Variants in KCND2 observed in about 807,000 individuals in gnomAD.
KCND2 encodes the protein A-type voltage-gated potassium channel KCND2.
A neutral mutation model predicts 54.4 loss-of-function variants in KCND2; 16 were observed. That is an observed-to-expected ratio of 0.29 (90% CI 0.20 to 0.45). The LOEUF (loss-of-function observed/expected upper bound fraction) is 0.45. Among genes scored for constraint, KCND2 ranks in the 20% least tolerant of loss-of-function variants. The probability of loss-of-function intolerance (pLI) is 1.00; values close to 1 mark genes in which losing one functional copy is unlikely to be tolerated. For synonymous variants in KCND2, 317 were observed against 310.7 expected, an observed-to-expected ratio of 1.02 and a Z score of -0.21; for missense variants, 486 against 824.2, an observed-to-expected ratio of 0.59 and a Z score of 5.02.
At position 120,672,989 on chromosome 7, in the gene KCND2, AAG is replaced by A. The variant is rs200109871; in HGVS notation, c.1116-59894_1116-59893del. On this transcript the variant is annotated intron_variant, in intron 1 of 5. Transcript: ENST00000331113. Reference sequence around the variant, plus strand: ...TCTCATATTAAAAGACAGAGAAAGAAAGAGAGAGAGAGAGAGAGAGAAGTTTG... The same window carrying A: ...TCTCATATTAAAAGACAGAGAAAGAAAGAGAGAGAGAGAGAGAGAAGTTTG... 4.4e-4 allele frequency: 65 copies of A among 147,586 alleles called. 1 individual carries two copies. Among genetic ancestry groups the A allele is most frequent in the South Asian group, 6.3e-4 (3 of 4,744 alleles). The allele number at this position is 147,586 out of a possible 1,614,324, so 9.1% of individuals were successfully genotyped here. A position where few individuals can be genotyped will look rare whatever the true frequency, so the allele number is the denominator to read the frequency against.
At chr7:120,691,881 TAAG>T (rs1792273610) in intron 1 of KCND2, among the ~76,000 whole-genome samples, 1 of 151,844 alleles carries the variant, frequency 6.6e-6, no homozygotes, top group Non-Finnish European at 1.5e-5. Flanking sequence ...AGGAGGAAAA[TAAG>T]GAGAATGCAG....
At position 120,467,754 on chromosome 7, in the gene KCND2, A is replaced by G. The variant is rs1169517197; in HGVS notation, c.1115+192007A>G. On this transcript the variant is annotated intron_variant, in intron 1 of 5. Transcript: ENST00000331113. ...CGTTCAGTTTCATAATAAGCTATAC[A>G]CAACACACGTTCTACTAAGCACTGA... Among the ~76,000 whole-genome samples the G allele has an allele frequency of 3.3e-5, 5 of 152,074 alleles. No individual in the cohort carries two copies. The East Asian group carries it at 9.6e-4, about 29-fold the overall frequency.
intron 1 of KCND2, among the ~76,000 whole-genome samples, chr7:120,686,100 T>A (rs1485582797): frequency 6.6e-6 from 1 of 152,176 alleles, no homozygotes; most frequent in East Asian, 1.9e-4. Flanking sequence ...AAATGGAATA[T>A]GTTTGTGTTT....
In KCND2 at chr7:120,485,613, A is replaced by G. The variant is rs1048115242; in HGVS notation, c.1115+209866A>G. Among the ~76,000 whole-genome samples, 3 of 152,334 alleles carry G rather than the reference A, an allele frequency of 2.0e-5. No individual in the cohort carries two copies. In the South Asian group the frequency reaches 6.2e-4, roughly 32 times the overall value. On this transcript the variant is annotated intron_variant, in intron 1 of 5. Coordinates refer to ENST00000331113, the MANE Select transcript of KCND2 (RefSeq NM_012281.3). The stretch of plus-strand genomic sequence containing the variant: ...CAAAAACCATGTACTAGATATGTAG[A>G]TGACAGTAGAGGATGCTTTTTAAGT...
chr7:120,740,452 C>G (rs866950212), intron 2 of KCND2, among the ~76,000 whole-genome samples: 3 of 152,088 alleles, frequency 2.0e-5, no homozygotes, highest in Admixed American at 6.6e-5. Flanking sequence ...GGAAACTTAT[C>G]TAAGCCATCC....
At chr7:120,734,076 G>A (rs1033949659) in intron 2 of KCND2, among the ~76,000 whole-genome samples, 19 of 152,004 alleles carry the variant, frequency 1.2e-4, no homozygotes, top group Admixed American at 8.5e-4. Flanking sequence ...CAGCACAGCC[G>A]CATGGTAGAA....
chr7:120,310,979 C>G (rs1215089881), intron 1 of KCND2, among the ~76,000 whole-genome samples: 4 of 150,350 alleles, frequency 2.7e-5, no homozygotes, highest in African/African-American at 9.8e-5. Context: ...CTCTGTATTA[C>G]ATATATTGCT....
intron 1 of KCND2, among the ~76,000 whole-genome samples, chr7:120,650,335 A>G (rs1423593560): frequency 2.1e-5 from 3 of 142,200 alleles, no homozygotes; most frequent in Admixed American, 6.8e-5. Context: ...TTTTTTCTCT[A>G]AACTTCTGTT....
intron 1 of KCND2, among the ~76,000 whole-genome samples, chr7:120,647,555 G>T (rs1160291268): frequency 2.0e-5 from 3 of 152,088 alleles, no homozygotes; most frequent in Non-Finnish European, 2.9e-5. Flanking sequence ...TGAAAATAAG[G>T]CTCTTTTTGT....
chr7:120,444,274 C>T (rs1801988365), intron 1 of KCND2, among the ~76,000 whole-genome samples: 1 of 152,110 alleles, frequency 6.6e-6, no homozygotes, highest in Non-Finnish European at 1.5e-5. Flanking sequence ...ACCTCCCTCC[C>T]TCTACCATCT....
At chr7:120,491,679 A>C (rs192509049) in intron 1 of KCND2, among the ~76,000 whole-genome samples, 2 of 152,110 alleles carry the variant, frequency 1.3e-5, no homozygotes, top group Non-Finnish European at 2.9e-5. Flanking sequence ...TATAAAAGCT[A>C]ATTTTAAAAA....
intron 1 of KCND2, among the ~76,000 whole-genome samples, chr7:120,374,364 A>C (rs984010587): frequency 6.6e-6 from 1 of 151,800 alleles, no homozygotes; most frequent in Non-Finnish European, 1.5e-5. Context: ...TACAATTCTT[A>C]GTCGGCTTAC....
intron 1 of KCND2, among the ~76,000 whole-genome samples, chr7:120,479,422 A>G (rs1802572024): frequency 6.6e-6 from 1 of 151,934 alleles, no homozygotes; most frequent in Admixed American, 6.6e-5. Flanking sequence ...ATATTTATAT[A>G]TATATATGTT....
chr7:120,409,501 G>A (rs565644633), intron 1 of KCND2, among the ~76,000 whole-genome samples: 8 of 151,968 alleles, frequency 5.3e-5, no homozygotes, highest in African/African-American at 1.7e-4. Context: ...GCCGCATTTT[G>A]CATTTCTGCC....
Position 120,554,836 on chromosome 7 carries a change from T to G in KCND2, c.1116-178067T>G, listed in dbSNP as rs184593869. On this transcript the variant is annotated intron_variant, in intron 1 of 5. Transcript: ENST00000331113. ...TGGACTTAGCCATAGAATTATACCG[T>G]TAGCTGCTGATTCCTCCACAGATGG... Among the ~76,000 whole-genome samples the G allele has an allele frequency of 1.7e-3, 257 of 152,316 alleles. 1 individual carries two copies. The highest frequency in any genetic ancestry group is 1.7e-3 in the South Asian group (8 of 4,830).
In KCND2 at chr7:120,598,499, C is replaced by G. The variant is rs542353161; in HGVS notation, c.1116-134404C>G. Reference sequence around the variant, plus strand: ...ATGGCTTCCATATTCTGCATATTCACAAGCCATGGAGGAGTTTTCCAGTTG... The same window carrying G: ...ATGGCTTCCATATTCTGCATATTCAGAAGCCATGGAGGAGTTTTCCAGTTG... On this transcript the variant is annotated intron_variant, in intron 1 of 5. Transcript: ENST00000331113. Among the ~76,000 whole-genome samples the G allele has an allele frequency of 2.4e-3, 333 of 139,360 alleles. 3 individuals are homozygous for G. Among genetic ancestry groups the G allele is most frequent in the African/African-American group, 8.6e-3 (319 of 37,024 alleles). 91.4% of individuals were successfully genotyped at this position (139,360 alleles called of 152,430 possible). A position where few individuals can be genotyped will look rare whatever the true frequency, so the allele number is the denominator to read the frequency against.
chr7:120,632,856 A>C (rs1253220756), intron 1 of KCND2, among the ~76,000 whole-genome samples: 2 of 152,200 alleles, frequency 1.3e-5, no homozygotes, highest in African/African-American at 4.8e-5. Context: ...CATGCTAGAC[A>C]AGCCAACATC....
intron 1 of KCND2, among the ~76,000 whole-genome samples, chr7:120,280,457 T>A (rs1799243847): frequency 6.6e-6 from 1 of 152,092 alleles, no homozygotes; most frequent in Admixed American, 6.5e-5. Flanking sequence ...ACGCTATTTT[T>A]AAATTTTCAG....
intron 1 of KCND2, among the ~76,000 whole-genome samples, chr7:120,507,932 T>G (rs898169354): frequency 6.6e-6 from 1 of 151,900 alleles, no homozygotes; most frequent in Non-Finnish European, 1.5e-5. Flanking sequence ...ATGCCAGATA[T>G]TTGAAAGTTT....
Sources: gnomAD v4.1 joint callset for allele counts (sites outside exome capture counted in the v4.1 genomes callset) on GRCh38, gnomAD v4.1.1 for gene constraint, MANE v1.5 for transcripts, NCBI Gene and HGNC (gene_info 2026-07-23, HGNC 2026-07-21) for gene names.